The following ALDH1L2 variants were observed in gnomAD, a reference collection of about 807,000 sequenced individuals.
ALDH1L2 encodes the protein mitochondrial 10-formyltetrahydrofolate dehydrogenase.
A neutral mutation model predicts 111.0 loss-of-function variants in ALDH1L2; 91 were observed. That is an observed-to-expected ratio of 0.82 (90% confidence interval 0.69 to 0.98). The LOEUF (loss-of-function observed/expected upper bound fraction) is 0.98. ALDH1L2 is among the 50% of genes least tolerant of loss of function. ALDH1L2 has a pLI of 0.00. For missense variants in ALDH1L2, 995 were observed against 1,126.8 expected (o/e 0.88, Z 1.67); for synonymous variants, 374 against 392.6 (o/e 0.95, Z 0.56).
intron 6 of ALDH1L2, among the ~76,000 whole-genome samples, chr12:105,065,026 C>T (rs552299975): frequency 1.3e-5 from 2 of 152,264 alleles, no homozygotes; most frequent in African/African-American, 4.8e-5. Context: ...TCTTACTGCA[C>T]TGAGAATGTT....
At chr12:105,043,997 T>G (rs189013848) in intron 15 of ALDH1L2, among the ~76,000 whole-genome samples, 1 of 152,350 alleles carries the variant, frequency 6.6e-6, no homozygotes, top group East Asian at 1.9e-4. Context: ...CCTCTTGACT[T>G]TCACACAGAG....
intron 4 of ALDH1L2, among the ~76,000 whole-genome samples, chr12:105,067,065 A>C (rs1294439528): frequency 6.6e-6 from 1 of 151,878 alleles, no homozygotes; most frequent in Non-Finnish European, 1.5e-5. Context: ...AAATACAAAA[A>C]ATCAGCCGGG....
chr12:105,037,175 C>T (rs1219597657), intron 18 of ALDH1L2, among the ~76,000 whole-genome samples: 1 of 152,148 alleles, frequency 6.6e-6, no homozygotes, highest in Non-Finnish European at 1.5e-5. Context: ...CATTTTATGC[C>T]TATATCTCAG....
intron 21 of ALDH1L2, among the ~76,000 whole-genome samples, chr12:105,027,458 C>T (rs1281230836): frequency 1.3e-5 from 2 of 152,144 alleles, no homozygotes; most frequent in African/African-American, 4.8e-5. Flanking sequence ...TGCCTGAAGC[C>T]GTTTCAGATC....
chr12:105,062,949 G>A lies in ALDH1L2; in HGVS notation c.860C>T (p.Ala287Val). The A allele has an allele frequency of 1.2e-6, 2 of 1,614,030 alleles. No homozygotes were observed. The highest frequency in any genetic ancestry group is 2.2e-5 in the South Asian group (2 of 91,062). Residue 287 changes from alanine to valine, a missense_variant, in exon 7 of 23, where the codon GCC becomes GTC. Ala to Val is a moderately conservative substitution (Grantham distance 64). Coordinates refer to ENST00000258494, the MANE Select transcript of ALDH1L2 (RefSeq NM_001034173.4). The part of the protein sequence containing the change: ...PPGEPLEIKG[A>V]KKPGLVTKNG... ...TTTGGTAACGAGACCAGGCTTCTTGGCACCTTTAATTTCCAGTGGTTCTCC... is the reference window on the plus strand; with the variant it reads ...TTTGGTAACGAGACCAGGCTTCTTGACACCTTTAATTTCCAGTGGTTCTCC...
At chr12:105,036,013 T>C (rs1421771782) in intron 18 of ALDH1L2, among the ~76,000 whole-genome samples, 2 of 113,716 alleles carry the variant, frequency 1.8e-5, no homozygotes, top group Non-Finnish European at 3.2e-5. Context: ...TATATGTGTA[T>C]ATATATTATA....
At chr12:105,050,097 G>T in intron 12 of ALDH1L2, 39 bp from the exon 13 acceptor site, 1 of 1,522,128 alleles carries the variant, frequency 6.6e-7, no homozygotes, top group Non-Finnish European at 8.8e-7. Flanking sequence ...AACAAGTATT[G>T]ATTGAGCTCC....
chr12:105,064,114 CTTTTTTTTTTTTTTTTTTTTTTT>C (rs71069786), intron 6 of ALDH1L2, among the ~76,000 whole-genome samples: 46 of 35,118 alleles, frequency 1.3e-3, no homozygotes, highest in African/African-American at 4.5e-3. Flanking sequence ...CCACACCGAG[CTTTTTTTTTTTTTTTTTTTTTTT>C]TTTTTTTTTT....
At chr12:105,084,320 C>A (rs910528219) in intron 1 of ALDH1L2, 69 bp downstream of exon 1, 10 of 1,455,466 alleles carry the variant, frequency 6.9e-6, no homozygotes, top group Non-Finnish European at 9.1e-6. Context: ...ACCGCCCCGG[C>A]CCTCCCGCCC....
chr12:105,058,113 A>C lies in ALDH1L2; in HGVS notation c.1247T>G (p.Leu416Arg). ...CTCCACCTCTTGATCTTCTCCTCTC[A>C]GTTTCCTCACGACCTTTTGGATAAA... The part of the protein sequence containing the change: ...EGFIQKVVRK[L>R]RGEDQEVELV... Residue 416 changes from leucine (L) to arginine (R), a missense_variant, in exon 10 of 23, where the codon CTG becomes CGG. Coordinates refer to ENST00000258494, the MANE Select transcript of ALDH1L2 (RefSeq NM_001034173.4). The C allele has an allele frequency of 3.1e-6, 5 of 1,613,402 alleles. No individual in the cohort carries two copies. Among genetic ancestry groups the C allele is most frequent in the Non-Finnish European group, 4.2e-6 (5 of 1,179,776 alleles).
In ALDH1L2 at chr12:105,021,547, G is replaced by A. The variant is rs1874159119; in HGVS notation, c.*2877C>T. On this transcript the variant is annotated 3_prime_UTR_variant, in exon 23 of 23. Transcript: ENST00000258494. ...TGCAGTGAGCCAAGATTGCACCACTGCACTGCAGCCTGGGCAACAAGAGCA... is the reference window on the plus strand; with the variant it reads ...TGCAGTGAGCCAAGATTGCACCACTACACTGCAGCCTGGGCAACAAGAGCA... 1 of 150,318 alleles carries A rather than the reference G, an allele frequency of 6.7e-6. No homozygotes were observed. Among genetic ancestry groups the A allele is most frequent in the Non-Finnish European group, 1.5e-5 (1 of 68,234 alleles). The allele number at this position is 150,318 out of a possible 1,614,324, so 9.3% of individuals were successfully genotyped here.
intron 15 of ALDH1L2, 134 bp from the exon 16 acceptor site, chr12:105,040,828 A>T: frequency 1.4e-6 from 1 of 720,762 alleles, no homozygotes; most frequent in Non-Finnish European, 2.4e-6. Flanking sequence ...TTTTGCCATA[A>T]TTTCAGACTT....
intron 15 of ALDH1L2, among the ~76,000 whole-genome samples, chr12:105,045,595 A>G (rs1217269658): frequency 1.3e-5 from 2 of 152,090 alleles, no homozygotes; most frequent in Non-Finnish European, 2.9e-5. Flanking sequence ...CTGGGAGGTA[A>G]ACTGCTTGGC....
intron 21 of ALDH1L2, among the ~76,000 whole-genome samples, chr12:105,027,842 C>A (rs1874492569): frequency 6.6e-6 from 1 of 152,130 alleles, no homozygotes; most frequent in Non-Finnish European, 1.5e-5. Context: ...GTCTCATATA[C>A]CTCTTTATGC....
chr12:105,048,962 C>A (rs1280457753), intron 13 of ALDH1L2, among the ~76,000 whole-genome samples: 1 of 151,564 alleles, frequency 6.6e-6, no homozygotes, highest in Non-Finnish European at 1.5e-5. Context: ...ACCCAGGAGG[C>A]GAGGTTGTAG....
At chr12:105,060,897 A>ATG in intron 9 of ALDH1L2, 84 bp downstream of exon 9, 1 of 1,178,094 alleles carries the variant, frequency 8.5e-7, no homozygotes, top group Non-Finnish European at 1.3e-6. Context: ...AGAACAAAGG[A>ATG]TGTGTGTGGA....
intron 10 of ALDH1L2, among the ~76,000 whole-genome samples, chr12:105,057,093 C>T (rs1876676768): frequency 6.6e-6 from 1 of 151,278 alleles, no homozygotes; most frequent in Non-Finnish European, 1.5e-5. Context: ...TTAAAATGAG[C>T]TAAGGATTTG....
At chr12:105,042,079 CA>C (rs1444422291) in intron 15 of ALDH1L2, among the ~76,000 whole-genome samples, 2 of 128,962 alleles carry the variant, frequency 1.6e-5, no homozygotes, top group African/African-American at 5.5e-5. Context: ...TATGTATACA[CA>C]ACACACACAC....
chr12:105,057,398 T>G (rs1876698365), intron 10 of ALDH1L2, among the ~76,000 whole-genome samples: 1 of 152,140 alleles, frequency 6.6e-6, no homozygotes, highest in Non-Finnish European at 1.5e-5. Context: ...ACTCATCAAT[T>G]CCACTCTTAG....
Sources: gnomAD v4.1 joint callset for allele counts (sites outside exome capture counted in the v4.1 genomes callset) on GRCh38, gnomAD v4.1.1 for gene constraint, MANE v1.5 for transcripts, NCBI Gene and HGNC (gene_info 2026-07-23, HGNC 2026-07-21) for gene names.